Variants in MACROD2 observed in about 807,000 individuals in gnomAD.
MACROD2 encodes ADP-ribose glycohydrolase MACROD2.
In MACROD2, 36 loss-of-function variants were observed where a neutral mutation model predicts 70.4. The observed-to-expected ratio is 0.51, with a 90% CI of 0.39 to 0.68. MACROD2 has a LOEUF of 0.68. MACROD2 is among the 30% of genes least tolerant of loss of function. The pLI is 0.00. For synonymous variants in MACROD2, 172 were observed against 178.8 expected (o/e 0.96, Z 0.30); for missense variants, 496 against 538.4 (o/e 0.92, Z 0.78).
chr20:15,313,684 G>T lies in MACROD2; in HGVS notation c.540+83623G>T, dbSNP rs149595291. ...GTCAAGGAATAAGGTGTGTGTTGTT[G>T]CTCACTATACTTCTGCCTACCACCA... On this transcript the variant is annotated intron_variant, in intron 6 of 17. Coordinates refer to ENST00000684519, the MANE Select transcript of MACROD2 (RefSeq NM_001351661.2). Among the ~76,000 whole-genome samples the T allele has an allele frequency of 3.2e-3, 488 of 152,060 alleles. 3 individuals carry two copies. Among genetic ancestry groups the T allele is most frequent in the African/African-American group, 0.011 (458 of 41,450 alleles).
chr20:14,424,010 C>A (rs1484876805), intron 3 of MACROD2, among the ~76,000 whole-genome samples: 1 of 151,932 alleles, frequency 6.6e-6, no homozygotes, highest in East Asian at 2.0e-4. Context: ...GATCCGCCCG[C>A]CTCAGCCTCC....
intron 6 of MACROD2, among the ~76,000 whole-genome samples, chr20:15,248,093 G>T (rs1293432483): frequency 6.6e-6 from 1 of 152,210 alleles, no homozygotes; most frequent in Non-Finnish European, 1.5e-5. Context: ...GGACTTCACA[G>T]GCTGCTCCTC....
chr20:14,360,816 T>C (rs1302345959), intron 3 of MACROD2, among the ~76,000 whole-genome samples: 3 of 152,246 alleles, frequency 2.0e-5, no homozygotes, highest in East Asian at 3.9e-4. Context: ...TATTTAATGA[T>C]ACAGGTGTGT....
At chr20:14,348,797 A>G (rs2083090572) in intron 3 of MACROD2, among the ~76,000 whole-genome samples, 1 of 152,112 alleles carries the variant, frequency 6.6e-6, no homozygotes, top group African/African-American at 2.4e-5. Flanking sequence ...GTCTATTTCC[A>G]TCAGACTTGT....
chr20:14,746,069 T>A (rs2071796091), intron 5 of MACROD2, among the ~76,000 whole-genome samples: 1 of 152,068 alleles, frequency 6.6e-6, no homozygotes, highest in Non-Finnish European at 1.5e-5. Flanking sequence ...TCCTCTCATA[T>A]TAGGAAGGTG....
At chr20:15,317,221 G>A (rs2077820597) in intron 6 of MACROD2, among the ~76,000 whole-genome samples, 1 of 152,010 alleles carries the variant, frequency 6.6e-6, no homozygotes, top group African/African-American at 2.4e-5. Flanking sequence ...AGAGATAAAT[G>A]AAATAGAGGA....
chr20:15,708,950 T>C (rs762030170), intron 8 of MACROD2, among the ~76,000 whole-genome samples: 5 of 152,172 alleles, frequency 3.3e-5, no homozygotes, highest in Non-Finnish European at 7.3e-5. Flanking sequence ...CTTTTGAGCC[T>C]GGGAGTTTGA....
At chr20:15,334,436 A>G (rs1432582101) in intron 6 of MACROD2, among the ~76,000 whole-genome samples, 2 of 151,726 alleles carry the variant, frequency 1.3e-5, no homozygotes, top group African/African-American at 2.4e-5. Flanking sequence ...GAGCCAGACA[A>G]GGTAGTTCTG....
At chr20:14,016,729 T>G (rs2052997332) in intron 2 of MACROD2, among the ~76,000 whole-genome samples, 1 of 152,190 alleles carries the variant, frequency 6.6e-6, no homozygotes, top group Non-Finnish European at 1.5e-5. Context: ...GTAAATCTCT[T>G]GTAATCCAGA....
chr20:14,033,359 T>A (rs1207614296), intron 2 of MACROD2, among the ~76,000 whole-genome samples: 2 of 152,138 alleles, frequency 1.3e-5, no homozygotes, highest in African/African-American at 4.8e-5. Flanking sequence ...TATATTTTGA[T>A]AATTTTGGAA....
intron 15 of MACROD2, among the ~76,000 whole-genome samples, chr20:16,017,488 T>C (rs2066944841): frequency 6.6e-6 from 1 of 152,256 alleles, no homozygotes. Context: ...GTTGAATTTC[T>C]AGAACTAAGA....
At chr20:15,496,626 C>G (rs1397634094) in intron 7 of MACROD2, among the ~76,000 whole-genome samples, 3 of 152,046 alleles carry the variant, frequency 2.0e-5, no homozygotes, top group Admixed American at 1.3e-4. Context: ...TTTTATAGCC[C>G]TATAATTTTA....
At chr20:14,662,706 T>C (rs1008630182) in intron 4 of MACROD2, among the ~76,000 whole-genome samples, 43 of 152,086 alleles carry the variant, frequency 2.8e-4, no homozygotes, top group African/African-American at 7.5e-4. Context: ...GAAGAAGACA[T>C]ACATCTGAAC....
intron 15 of MACROD2, among the ~76,000 whole-genome samples, chr20:16,010,706 T>TGG (rs1324006615): frequency 6.6e-6 from 1 of 152,152 alleles, no homozygotes; most frequent in Non-Finnish European, 1.5e-5. Context: ...AGAGTCTGTT[T>TGG]GGGAGACAGC....
At chr20:14,336,852 G>T (rs934135794) in intron 3 of MACROD2, among the ~76,000 whole-genome samples, 20 of 152,188 alleles carry the variant, frequency 1.3e-4, no homozygotes, top group African/African-American at 4.8e-4. Flanking sequence ...GCTCAGGCAC[G>T]ATAGCAGTGC....
chr20:14,063,987 A>G (rs536776355), intron 2 of MACROD2, among the ~76,000 whole-genome samples: 2 of 152,172 alleles, frequency 1.3e-5, no homozygotes, highest in African/African-American at 2.4e-5. Context: ...TCGGCCTCCC[A>G]AAGTCTTGGA....
At chr20:15,156,423 C>A (rs927644794) in intron 5 of MACROD2, among the ~76,000 whole-genome samples, 1 of 151,920 alleles carries the variant, frequency 6.6e-6, no homozygotes, top group Non-Finnish European at 1.5e-5. Flanking sequence ...ACTTTTTTTC[C>A]CCCTTTGGTT....
At chr20:15,344,298 T>C (rs977312336) in intron 6 of MACROD2, among the ~76,000 whole-genome samples, 1 of 152,176 alleles carries the variant, frequency 6.6e-6, no homozygotes, top group African/African-American at 2.4e-5. Context: ...CCAATCTATA[T>C]ACTCTGTTAG....
At chr20:14,469,278 G>A (rs2084498324) in intron 3 of MACROD2, among the ~76,000 whole-genome samples, 2 of 152,122 alleles carry the variant, frequency 1.3e-5, no homozygotes, top group South Asian at 4.2e-4. Context: ...TGGCTTGTAG[G>A]GTTTCTGCAG....
Sources: gnomAD v4.1 joint callset for allele counts (sites outside exome capture counted in the v4.1 genomes callset) on GRCh38, gnomAD v4.1.1 for gene constraint, MANE v1.5 for transcripts, NCBI Gene and HGNC (gene_info 2026-07-23, HGNC 2026-07-21) for gene names.